The following GPC3 variants were observed in gnomAD, a reference collection of about 807,000 sequenced individuals.
GPC3 encodes the protein glypican 3.
A neutral mutation model predicts 34.4 loss-of-function variants in GPC3; 3 were observed. The ratio of observed to expected loss-of-function variants is 0.09; its 90% CI spans 0.04 to 0.23. The LOEUF is 0.23. GPC3 is among the 10% of genes least tolerant of loss of function. GPC3 has a pLI of 1.00. For synonymous variants in GPC3, 177 were observed against 174.0 expected (o/e 1.02, Z -0.13); for missense variants, 351 against 445.6 (o/e 0.79, Z 1.91).
At chrX:133,657,913 A>AGAGAGAGAGAGAGG (rs2070680716) in intron 6 of GPC3, among the ~76,000 whole-genome samples, 2 of 108,519 alleles carry the variant, frequency 1.8e-5, no homozygotes, top group South Asian at 8.4e-4. Context: ...AGAGAGAGAG[A>AGAGAGAGAGAGAGG]GAGAGAGAGA....
intron 6 of GPC3, among the ~76,000 whole-genome samples, chrX:133,615,013 C>A (rs1489367537): frequency 8.9e-6 from 1 of 111,934 alleles, no homozygotes; most frequent in Non-Finnish European, 1.9e-5. Flanking sequence ...AACAGAAAAT[C>A]TGAATAGATC....
intron 7 of GPC3, among the ~76,000 whole-genome samples, chrX:133,569,891 A>G (rs913184451): frequency 9.5e-5 from 10 of 104,903 alleles, no homozygotes; most frequent in African/African-American, 3.6e-4. Flanking sequence ...ATAGAAAAAG[A>G]ATGGGTTTTT....
chrX:133,652,262 T>TGGCCATTC (rs1252244647), intron 6 of GPC3, among the ~76,000 whole-genome samples: 1 of 111,948 alleles, frequency 8.9e-6, no homozygotes, highest in Non-Finnish European at 1.9e-5. Flanking sequence ...GCCTTGAATG[T>TGGCCATTC]AACTAACCTG....
At chrX:133,914,882 CA>C (rs766932301) in intron 2 of GPC3, among the ~76,000 whole-genome samples, 161 of 50,779 alleles carry the variant, frequency 3.2e-3, no homozygotes, top group Admixed American at 4.2e-3. Context: ...CCCACCATGC[CA>C]AAAAAAAAAA....
At chrX:133,882,324 C>G (rs773975945) in intron 2 of GPC3, among the ~76,000 whole-genome samples, 1 of 111,443 alleles carries the variant, frequency 9.0e-6, no homozygotes, top group Non-Finnish European at 1.9e-5. Flanking sequence ...AAATCTGGAC[C>G]CTGACTAAAA....
At chrX:133,810,010 A>G (rs949175103) in intron 2 of GPC3, among the ~76,000 whole-genome samples, 6 of 112,333 alleles carry the variant, frequency 5.3e-5, no homozygotes, top group African/African-American at 1.9e-4. Context: ...AATATGAGAC[A>G]GTGAGCATTA....
chrX:133,929,044 C>T (rs1376855740), intron 2 of GPC3, among the ~76,000 whole-genome samples: 6 of 111,981 alleles, frequency 5.4e-5, no homozygotes, highest in Non-Finnish European at 1.1e-4. Flanking sequence ...AGCTTTTCCC[C>T]TATGTTTTCT....
At chrX:133,753,406 C>T (rs2071686334) in intron 3 of GPC3, 76 bp downstream of exon 3, 1 of 784,845 alleles carries the variant, frequency 1.3e-6, no homozygotes. Flanking sequence ...TCTCATTTCT[C>T]TCCATCAGTA....
At position 133,548,088 on chromosome X, in the gene GPC3, G is replaced by A. The variant is rs999921369; in HGVS notation, c.1574-11795C>T. ...AAAAGTAAATGAAAGCATACACTCT[G>A]TCCTTATAACATTTTCAAAAGTTAT... On this transcript the variant is annotated intron_variant, in intron 7 of 7. Coordinates refer to ENST00000370818, the MANE Select transcript of GPC3 (RefSeq NM_004484.4). 2.7e-5 allele frequency among the ~76,000 whole-genome samples: 3 copies of A among 112,246 alleles called. No homozygotes were observed. The South Asian group carries it at 1.1e-3, about 42-fold the overall frequency.
At chrX:133,652,683 T>G (rs1210093025) in intron 6 of GPC3, among the ~76,000 whole-genome samples, 1 of 110,145 alleles carries the variant, frequency 9.1e-6, no homozygotes, top group Non-Finnish European at 1.9e-5. Flanking sequence ...TTGGAAACAT[T>G]TTTTGCTATG....
At chrX:133,800,181 G>A (rs1432110247) in intron 2 of GPC3, among the ~76,000 whole-genome samples, 13 of 112,083 alleles carry the variant, frequency 1.2e-4, no homozygotes, top group Non-Finnish European at 2.1e-4. Flanking sequence ...TGCCCAAATA[G>A]CCAAATTCAG....
chrX:133,683,751 G>A (rs769634719), intron 5 of GPC3, among the ~76,000 whole-genome samples: 71 of 112,258 alleles, frequency 6.3e-4, no homozygotes, highest in African/African-American at 2.1e-3. Context: ...CATAAGCTGT[G>A]TTTTTCTCAC....
chrX:133,662,375 C>G (rs928704889), intron 5 of GPC3, among the ~76,000 whole-genome samples: 2 of 112,180 alleles, frequency 1.8e-5, no homozygotes, highest in Non-Finnish European at 3.8e-5. Context: ...TCTCAAATCA[C>G]TTTCACCATA....
At chrX:133,745,851 G>A (rs191315643) in intron 3 of GPC3, among the ~76,000 whole-genome samples, 281 of 112,508 alleles carry the variant, frequency 2.5e-3, no homozygotes, top group African/African-American at 8.5e-3. Flanking sequence ...AGGAACAGAC[G>A]AACTGACTAC....
intron 6 of GPC3, among the ~76,000 whole-genome samples, chrX:133,647,919 C>T (rs2070560103): frequency 8.9e-6 from 1 of 111,807 alleles, no homozygotes; most frequent in Non-Finnish European, 1.9e-5. Flanking sequence ...ATCTAAATAC[C>T]TCATTGTGAG....
At chrX:133,558,008 A>G (rs1224679823) in intron 7 of GPC3, among the ~76,000 whole-genome samples, 2 of 111,416 alleles carry the variant, frequency 1.8e-5, no homozygotes, top group East Asian at 5.6e-4. Context: ...GGTTCTCCCT[A>G]TGCCATGCAG....
chrX:133,550,311 G>A (rs781110396), intron 7 of GPC3, among the ~76,000 whole-genome samples: 168 of 110,912 alleles, frequency 1.5e-3, no homozygotes, highest in African/African-American at 5.4e-3. Context: ...CACTGTGACC[G>A]GCCCCACAAT....
At chrX:133,978,950 T>A (rs146816923) in intron 1 of GPC3, among the ~76,000 whole-genome samples, 2,545 of 112,395 alleles carry the variant, frequency 0.023, 24 homozygotes, top group Non-Finnish European at 0.035. Flanking sequence ...TGTAAAATTT[T>A]ACTCTAAAAT....
chrX:133,972,465 C>G (rs1461034150), intron 1 of GPC3, among the ~76,000 whole-genome samples: 3 of 112,145 alleles, frequency 2.7e-5, no homozygotes, highest in African/African-American at 9.7e-5. Context: ...ATAGCTGCCT[C>G]TGGTCACATT....
Sources: allele counts gnomAD v4.1 joint callset (sites outside exome capture counted in the v4.1 genomes callset), GRCh38; gene constraint gnomAD v4.1.1; transcripts MANE v1.5; gene names NCBI Gene and HGNC (gene_info 2026-07-23, HGNC 2026-07-21).